The following DUOXA2 variants were observed in gnomAD, a reference collection of about 807,000 sequenced individuals.
DUOXA2 encodes dual oxidase maturation factor 2.
A neutral mutation model predicts 27.6 loss-of-function variants in DUOXA2; 22 were observed. The ratio of observed to expected loss-of-function variants is 0.80; its 90% CI spans 0.57 to 1.14. The LOEUF is 1.14. DUOXA2 is among the 50% of genes most tolerant of loss of function. DUOXA2 has a pLI of 0.00. For synonymous variants in DUOXA2, 188 were observed against 184.4 expected (o/e 1.02, Z -0.16); for missense variants, 481 against 419.9 (o/e 1.15, Z -1.27).
chr15:45,115,586 G>A (rs1278872056), intron 1 of DUOXA2: 1 of 700,448 alleles, frequency 1.4e-6, no homozygotes, highest in African/African-American at 1.7e-5. Context: ...TGCTGTTAGG[G>A]TAGATGGGAA....
rs1327773821 is a variant in DUOXA2 at position 45,115,783 on chromosome 15, G to C, written c.148-16G>C. 4 of 1,614,024 alleles carry C rather than the reference G, an allele frequency of 2.5e-6. No homozygotes were observed. The highest frequency in any genetic ancestry group is 3.4e-6 in the Non-Finnish European group (4 of 1,180,036). ...TTGGCAGGGCTCAGGCCTGACCCGGGTGCCTATTCCTGCAGCGCTGGTTTT... is the reference window on the plus strand; with the variant it reads ...TTGGCAGGGCTCAGGCCTGACCCGGCTGCCTATTCCTGCAGCGCTGGTTTT... On this transcript the variant is annotated splice_polypyrimidine_tract_variant and intron_variant, in intron 1 of 5. Transcript: ENST00000323030.
intron 4 of DUOXA2, 108 bp downstream of exon 4, chr15:45,116,837 CG>C: frequency 7.4e-7 from 1 of 1,358,860 alleles, no homozygotes; most frequent in Non-Finnish European, 1.0e-6. Context: ...CAGCCAGACC[CG>C]ACGCGCTCGG....
chr15:45,116,645 T>G lies in DUOXA2; in HGVS notation c.470T>G (p.Leu157Arg), dbSNP rs1232866775. The G allele has an allele frequency of 5.6e-6, 9 of 1,613,846 alleles. No individual in the cohort carries two copies. Among genetic ancestry groups the G allele is most frequent in the Non-Finnish European group, 7.6e-6 (9 of 1,180,040 alleles). ...EKGLPDPVLY[L>R]AEKFTPSSPC... is the part of the protein sequence containing the mutation. ...GGGCTGCCGGACCCAGTGCTCTACCTGGCGGAGAAGTTCACACCGAGTAGC... is the reference window on the plus strand; with the variant it reads ...GGGCTGCCGGACCCAGTGCTCTACCGGGCGGAGAAGTTCACACCGAGTAGC... Residue 157 changes from leucine (L) to arginine (R), a missense_variant, in exon 4 of 6, where the codon CTG (leucine) becomes CGG (arginine). Transcript: ENST00000323030.
At chr15:45,117,650 G>C in intron 5 of DUOXA2, 66 bp from the exon 6 acceptor site, 1 of 1,613,810 alleles carries the variant, frequency 6.2e-7, no homozygotes, top group East Asian at 2.2e-5. Context: ...CAGAGTTCGA[G>C]ACCAGCCTGG....
Position 45,116,509 on chromosome 15 carries a change from C to T in DUOXA2, c.341-7C>T, listed in dbSNP as rs1387914639. On this transcript the variant is annotated splice_region_variant and splice_polypyrimidine_tract_variant and intron_variant, in intron 3 of 5. Transcript: ENST00000323030. ...GGGCAGCCCCATGAGCCCGCCTCAC[C>T]CCACAGGGACCCCAGTGCATCAGCT... 2 of 1,613,486 alleles carry T rather than the reference C, an allele frequency of 1.2e-6. No homozygotes were observed. Among genetic ancestry groups the T allele is most frequent in the East Asian group, 4.5e-5 (2 of 44,890 alleles).
intron 2 of DUOXA2, 33 bp downstream of exon 2, chr15:45,115,889 CG>C: frequency 1.2e-6 from 2 of 1,613,726 alleles, no homozygotes; most frequent in Non-Finnish European, 8.5e-7. Flanking sequence ...GGGGAGAGGA[CG>C]GGGTGAGGAA....
chr15:45,116,479 A>ACCGC, intron 3 of DUOXA2, 37 bp from the exon 4 acceptor site: 3 of 1,610,928 alleles, frequency 1.9e-6, no homozygotes, highest in Non-Finnish European at 2.5e-6. Context: ...GAGGTCTCCG[A>ACCGC]CCGCGGGCAG....
intron 4 of DUOXA2, 129 bp from the exon 5 acceptor site, chr15:45,116,962 T>A: frequency 8.3e-7 from 1 of 1,208,054 alleles, no homozygotes; most frequent in Non-Finnish European, 1.2e-6. Flanking sequence ...CCCGGGGAAT[T>A]CCCCTGCACC....
chr15:45,114,359 T>A lies in DUOXA2; in HGVS notation c.-247T>A. On this transcript the variant is annotated 5_prime_UTR_variant, in exon 1 of 6. Coordinates refer to ENST00000323030, the MANE Select transcript of DUOXA2 (RefSeq NM_207581.4). ...CCCGCAGAACCAGGAAAGTAACGGCTACAGACAGTGAGAAATAGTTTCGCT... is the reference window on the plus strand; with the variant it reads ...CCCGCAGAACCAGGAAAGTAACGGCAACAGACAGTGAGAAATAGTTTCGCT... 1 of 573,160 alleles carries A rather than the reference T, an allele frequency of 1.7e-6. No homozygotes were observed. Among genetic ancestry groups the A allele is most frequent in the Non-Finnish European group, 3.1e-6 (1 of 321,482 alleles). The allele number at this position is 573,160 out of a possible 1,614,324, so 35.5% of individuals were successfully genotyped here.
At position 45,117,197 on chromosome 15, in the gene DUOXA2, G is replaced by A. The variant is rs200436610; in HGVS notation, c.661G>A (p.Val221Ile). The change falls in exon 5 of 6, where the codon GTC (valine) becomes ATC (isoleucine). Residue 221 changes from valine (V) to isoleucine (I), a missense_variant. Physicochemically the swap from Val to Ile is conservative, Grantham distance 29. Coordinates refer to ENST00000323030, the MANE Select transcript of DUOXA2 (RefSeq NM_207581.4). ...LTTGAFALFG[V>I]FALASISSVP... ...CACCGGAGCCTTCGCGCTCTTCGGG[G>A]TCTTCGCCTTGGCCTCCATCTCTAG... 24 of 1,608,186 alleles carry A rather than the reference G, an allele frequency of 1.5e-5. No individual in the cohort carries two copies. The highest frequency in any genetic ancestry group is 2.7e-5 in the African/African-American group (2 of 74,936).
Position 45,116,710 on chromosome 15 carries a change from T to C in DUOXA2, c.535T>C (p.Tyr179His), listed in dbSNP as rs775995387. Reference sequence around the variant, plus strand: ...CCACCAGTACCACCTGGCGGGACACTACGCCTCGGCCACGCTATGGTAAGT... The same window carrying C: ...CCACCAGTACCACCTGGCGGGACACCACGCCTCGGCCACGCTATGGTAAGT... ...LYHQYHLAGHYASATLWVAFC... is the reference protein window; with the variant it reads ...LYHQYHLAGHHASATLWVAFC... Residue 179 changes from tyrosine (Y) to histidine (H), a missense_variant, in exon 4 of 6, where the codon TAC becomes CAC. Tyr to His is a moderately conservative substitution (Grantham distance 83, BLOSUM62 2). Transcript: ENST00000323030. 2.4e-5 allele frequency: 39 copies of C among 1,613,414 alleles called. No homozygotes were observed. In the East Asian group the frequency reaches 8.0e-4, roughly 33 times the overall value.
At chr15:45,114,864 T>A in intron 1 of DUOXA2, 112 bp downstream of exon 1, 1 of 1,521,830 alleles carries the variant, frequency 6.6e-7, no homozygotes, top group South Asian at 1.1e-5. Flanking sequence ...AATAGTCGAA[T>A]TGAGGCTCAG....
In DUOXA2 at chr15:45,118,033, A is replaced by G; in HGVS notation, c.*124A>G. On this transcript the variant is annotated 3_prime_UTR_variant, in exon 6 of 6. Transcript: ENST00000323030. ...GAGCGCTGCTGGCGCGAGGCCTCGGACATCCGCAGGCACCAGGGAAAGTCT... is the reference window on the plus strand; with the variant it reads ...GAGCGCTGCTGGCGCGAGGCCTCGGGCATCCGCAGGCACCAGGGAAAGTCT... 3 of 1,597,460 alleles carry G rather than the reference A, an allele frequency of 1.9e-6. No individual in the cohort carries two copies. The highest frequency in any genetic ancestry group is 2.6e-6 in the Non-Finnish European group (3 of 1,168,786).
In DUOXA2 at chr15:45,116,914, C is replaced by T. The variant is rs1894665202; in HGVS notation, c.555-177C>T. On this transcript the variant is annotated intron_variant, in intron 4 of 5. Transcript: ENST00000323030. ...TCTGCACAGACGGAATCCGGAGAGACTCCAGCCACCGCCTGGACCTCAGGA... is the reference window on the plus strand; with the variant it reads ...TCTGCACAGACGGAATCCGGAGAGATTCCAGCCACCGCCTGGACCTCAGGA... 3.8e-6 allele frequency: 4 copies of T among 1,043,934 alleles called. No homozygotes were observed. In the Admixed American group the frequency reaches 6.1e-5, roughly 16 times the overall value. 64.7% of individuals were successfully genotyped at this position (1,043,934 alleles called of 1,614,324 possible).
At chr15:45,117,025 C>G in intron 4 of DUOXA2, 66 bp from the exon 5 acceptor site, 1 of 1,536,916 alleles carries the variant, frequency 6.5e-7, no homozygotes, top group Non-Finnish European at 8.8e-7. Flanking sequence ...AAGAAGAGCG[C>G]AGCTGTGGGA....
chr15:45,115,941 G>A (rs1255273927), intron 2 of DUOXA2, 85 bp downstream of exon 2: 14 of 1,605,962 alleles, frequency 8.7e-6, no homozygotes, highest in Admixed American at 8.4e-5. Context: ...GGGAACTGGG[G>A]TTGGTTTTCT....
Position 45,117,908 on chromosome 15 carries a change from G to T in DUOXA2, c.962G>T (p.Ter321LeuextTer71). The part of the protein sequence containing the change: ...PDLKCITTNL[*>L] The stretch of plus-strand genomic sequence containing the variant: ...TTAAAATGTATCACCACTAACCTGT[G>T]AGGGGGACCCAATCTGGACTCCTTC... Residue 321 changes from the stop codon to leucine (L), a stop_lost, in exon 6 of 6, where the codon TGA becomes TTA. Transcript: ENST00000323030. The T allele has an allele frequency of 6.2e-7, 1 of 1,613,308 alleles. No homozygotes were observed.
At position 45,117,766 on chromosome 15, in the gene DUOXA2, C is replaced by A; in HGVS notation, c.820C>A (p.Arg274=). 6.2e-7 allele frequency: 1 copy of A among 1,613,732 alleles called. No homozygotes were observed. Among genetic ancestry groups the A allele is most frequent in the Non-Finnish European group, 8.5e-7 (1 of 1,179,862 alleles). ...GGCCGTGGTGAGTCTCCAGTATGTT[C>A]GGCCCAGCGCTCTTCGCACCCTTCT... ...GGAVVSLQYV[R]PSALRTLLDQ... is the part of the protein sequence containing the mutation. Residue 274 remains arginine (R), a synonymous_variant, in exon 6 of 6, where the codon CGG becomes AGG. Transcript: ENST00000323030.
chr15:45,115,349 G>A (rs1419028102), intron 1 of DUOXA2: 2 of 434,518 alleles, frequency 4.6e-6, no homozygotes, highest in Non-Finnish European at 9.3e-6. Flanking sequence ...TGCTTTCCCT[G>A]GAACTGGTGC....
Sources: gnomAD v4.1 joint callset for allele counts on GRCh38, gnomAD v4.1.1 for gene constraint, MANE v1.5 for transcripts, NCBI Gene and HGNC (gene_info 2026-07-23, HGNC 2026-07-21) for gene names.